The following GRIK2 variants were observed in gnomAD, a reference collection of about 807,000 sequenced individuals.
GRIK2 encodes the protein glutamate ionotropic receptor kainate type subunit 2, also known as glutamate receptor ionotropic, kainate 2.
A neutral mutation model predicts 100.3 loss-of-function variants in GRIK2; 32 were observed. The ratio of observed to expected loss-of-function variants is 0.32; its 90% CI spans 0.24 to 0.43. The LOEUF is 0.43. GRIK2 is among the 20% of genes least tolerant of loss of function. The pLI is 1.00. For missense variants in GRIK2, 843 were observed against 1,114.9 expected, an observed-to-expected ratio of 0.76 and a Z score of 3.47; for synonymous variants, 417 against 389.4, an observed-to-expected ratio of 1.07 and a Z score of -0.83.
chr6:101,537,723 A>C (rs1775784129), intron 2 of GRIK2, among the ~76,000 whole-genome samples: 2 of 151,768 alleles, frequency 1.3e-5, no homozygotes, highest in South Asian at 2.1e-4. Flanking sequence ...GAGTCATTAG[A>C]TGACCTCTAC....
chr6:101,642,708 A>C (rs533692576), intron 4 of GRIK2, among the ~76,000 whole-genome samples: 19 of 151,832 alleles, frequency 1.3e-4, no homozygotes, highest in Admixed American at 5.3e-4. Context: ...GGGTAAACAA[A>C]TATCTCTTTG....
chr6:101,478,198 G>T (rs141905216), intron 2 of GRIK2, among the ~76,000 whole-genome samples: 2 of 152,102 alleles, frequency 1.3e-5, no homozygotes, highest in East Asian at 3.9e-4. Flanking sequence ...AGCATGATTA[G>T]GTTTTTTTGA....
chr6:101,804,395 C>G (rs961232093), intron 9 of GRIK2, among the ~76,000 whole-genome samples: 1 of 151,898 alleles, frequency 6.6e-6, no homozygotes, highest in African/African-American at 2.4e-5. Context: ...GCCCTGAAGG[C>G]TATGGGTTAC....
intron 7 of GRIK2, among the ~76,000 whole-genome samples, chr6:101,775,243 G>A (rs989897802): frequency 6.6e-5 from 10 of 152,096 alleles, no homozygotes; most frequent in African/African-American, 2.4e-4. Flanking sequence ...GCTTAAGCCA[G>A]AGAGCACTGG....
chr6:101,668,650 G>C (rs1338401680), intron 4 of GRIK2, among the ~76,000 whole-genome samples: 1 of 152,128 alleles, frequency 6.6e-6, no homozygotes, highest in Non-Finnish European at 1.5e-5. Context: ...ATTTTGGGTT[G>C]AGTCTGAGCT....
At chr6:102,001,868 A>G (rs548774499) in intron 14 of GRIK2, among the ~76,000 whole-genome samples, 39 of 152,070 alleles carry the variant, frequency 2.6e-4, no homozygotes, top group African/African-American at 8.7e-4. Flanking sequence ...TAAGTAATCA[A>G]TGATTTTCTA....
chr6:101,445,472 C>T (rs1770325043), intron 2 of GRIK2, among the ~76,000 whole-genome samples: 1 of 152,018 alleles, frequency 6.6e-6, no homozygotes, highest in Non-Finnish European at 1.5e-5. Context: ...TCTCATATGC[C>T]CTCTTACATC....
intron 14 of GRIK2, among the ~76,000 whole-genome samples, chr6:101,949,466 C>T (rs1402453290): frequency 2.6e-5 from 4 of 151,980 alleles, no homozygotes; most frequent in Non-Finnish European, 5.9e-5. Flanking sequence ...CCCATCCAAC[C>T]GTCATCTACA....
At chr6:101,687,916 A>G (rs1453029550) in intron 7 of GRIK2, among the ~76,000 whole-genome samples, 3 of 151,192 alleles carry the variant, frequency 2.0e-5, no homozygotes, top group African/African-American at 7.3e-5. Flanking sequence ...AATGCAAACT[A>G]GAAAAAATTA....
chr6:101,958,925 T>G (rs1200420654), intron 14 of GRIK2, among the ~76,000 whole-genome samples: 1 of 152,044 alleles, frequency 6.6e-6, no homozygotes, highest in African/African-American at 2.4e-5. Flanking sequence ...GCATTTGGCT[T>G]GCTAGTATTT....
intron 14 of GRIK2, among the ~76,000 whole-genome samples, chr6:102,025,922 T>G (rs142325226): frequency 6.6e-6 from 1 of 150,698 alleles, no homozygotes; most frequent in Non-Finnish European, 1.5e-5. Flanking sequence ...CCTCTAAGTC[T>G]CCTCACCTGA....
chr6:101,401,413 CACAA>C (rs1436758952), intron 2 of GRIK2, among the ~76,000 whole-genome samples: 2 of 152,170 alleles, frequency 1.3e-5, no homozygotes, highest in Admixed American at 6.5e-5. Context: ...CATACACACA[CACAA>C]ACAAGCTTTC....
At chr6:102,011,983 A>G (rs1795568656) in intron 14 of GRIK2, among the ~76,000 whole-genome samples, 2 of 152,184 alleles carry the variant, frequency 1.3e-5, no homozygotes, top group Admixed American at 6.5e-5. Context: ...GCTATCTTCT[A>G]TAATTTGTAT....
intron 9 of GRIK2, among the ~76,000 whole-genome samples, chr6:101,804,826 G>A (rs920786673): frequency 8.6e-5 from 13 of 151,754 alleles, no homozygotes; most frequent in East Asian, 1.9e-4. Flanking sequence ...AAAGGACAGC[G>A]GTAAAGTTTA....
At chr6:101,585,812 A>G (rs918779727) in intron 2 of GRIK2, among the ~76,000 whole-genome samples, 2 of 152,138 alleles carry the variant, frequency 1.3e-5, no homozygotes, top group African/African-American at 4.8e-5. Flanking sequence ...AGGCAGCTAC[A>G]GTGAAGACAA....
chr6:102,009,665 A>G (rs1385870690), intron 14 of GRIK2, among the ~76,000 whole-genome samples: 2 of 152,146 alleles, frequency 1.3e-5, no homozygotes, highest in African/African-American at 4.8e-5. Context: ...TCCTTATCAA[A>G]CTAATGAGTT....
At chr6:102,067,688 G>A (rs1772084430) in intron 16 of GRIK2, among the ~76,000 whole-genome samples, 1 of 151,738 alleles carries the variant, frequency 6.6e-6, no homozygotes, top group African/African-American at 2.4e-5. Context: ...CAGTTATCAA[G>A]CTAATGATGA....
At chr6:101,875,770 C>A (rs969239150) in intron 11 of GRIK2, among the ~76,000 whole-genome samples, 1 of 151,668 alleles carries the variant, frequency 6.6e-6, no homozygotes, top group Non-Finnish European at 1.5e-5. Context: ...ATATTGATAA[C>A]CAATATTTTA....
intron 2 of GRIK2, among the ~76,000 whole-genome samples, chr6:101,620,996 T>C (rs1017293433): frequency 2.0e-5 from 3 of 152,208 alleles, no homozygotes; most frequent in Non-Finnish European, 4.4e-5. Context: ...GCCAAAATTA[T>C]ATACTAGTTT....
Sources: allele counts gnomAD v4.1 joint callset (sites outside exome capture counted in the v4.1 genomes callset), GRCh38; gene constraint gnomAD v4.1.1; transcripts MANE v1.5; gene names NCBI Gene and HGNC (gene_info 2026-07-23, HGNC 2026-07-21).